The following SH3KBP1 variants were observed in gnomAD, a reference collection of about 807,000 sequenced individuals.
SH3KBP1 encodes SH3 domain-containing kinase-binding protein 1.
Under a neutral mutation model 50.1 loss-of-function variants are expected in SH3KBP1, and 8 were observed. The ratio of observed to expected loss-of-function variants is 0.16; its 90% confidence interval spans 0.09 to 0.29. SH3KBP1 has a LOEUF of 0.29. SH3KBP1 is among the 10% of genes least tolerant of loss of function. The pLI, the probability that SH3KBP1 is intolerant of heterozygous loss-of-function variation, is 1.00. For missense variants in SH3KBP1, 377 were observed against 535.2 expected (o/e 0.70, Z 2.92); for synonymous variants, 227 against 218.6 (o/e 1.04, Z -0.34).
At chrX:19,625,344 C>T (rs1183958393) in intron 8 of SH3KBP1, among the ~76,000 whole-genome samples, 1 of 106,713 alleles carries the variant, frequency 9.4e-6, no homozygotes, top group African/African-American at 3.7e-5. Flanking sequence ...TTTTTTTTTG[C>T]CCCCCGACAG....
At chrX:19,747,371 T>C in intron 2 of SH3KBP1, among the ~76,000 whole-genome samples, 1 of 112,069 alleles carries the variant, frequency 8.9e-6, no homozygotes, top group Middle Eastern at 4.6e-3. Context: ...TTTCTAGGCT[T>C]GTCTGAATCC....
At chrX:19,662,323 A>G (rs1455583099) in intron 6 of SH3KBP1, among the ~76,000 whole-genome samples, 2 of 112,225 alleles carry the variant, frequency 1.8e-5, no homozygotes, top group African/African-American at 6.5e-5. Flanking sequence ...CCTCAAAAAC[A>G]TATTTCCTGC....
At chrX:19,798,340 G>A in intron 2 of SH3KBP1, among the ~76,000 whole-genome samples, 1 of 110,703 alleles carries the variant, frequency 9.0e-6, no homozygotes, top group African/African-American at 3.3e-5. Flanking sequence ...TCCTGCCTCG[G>A]CCTCCCAAAG....
intron 2 of SH3KBP1, among the ~76,000 whole-genome samples, chrX:19,765,430 T>C (rs1211072865): frequency 9.0e-6 from 1 of 111,062 alleles, no homozygotes; most frequent in Non-Finnish European, 1.9e-5. Context: ...CCTTAGCTTG[T>C]ATTCCCTTCC....
At chrX:19,683,487 T>C (rs2063103342) in intron 6 of SH3KBP1, 1 of 336,264 alleles carries the variant, frequency 3.0e-6, no homozygotes, top group Non-Finnish European at 5.6e-6. Flanking sequence ...GGCCAGTGTC[T>C]GAAAAGTGTC....
intron 7 of SH3KBP1, among the ~76,000 whole-genome samples, chrX:19,636,003 T>TA (rs1196779184): frequency 1.8e-5 from 2 of 111,352 alleles, no homozygotes; most frequent in African/African-American, 6.5e-5. Context: ...GTGGGAAGAT[T>TA]ATAAATTTTA....
At chrX:19,689,336 C>A (rs745653698) in intron 5 of SH3KBP1, among the ~76,000 whole-genome samples, 155 of 111,908 alleles carry the variant, frequency 1.4e-3, no homozygotes, top group African/African-American at 4.8e-3. Flanking sequence ...GTGAGCTAGG[C>A]CCTCCAAAAG....
chrX:19,695,509 T>C, intron 5 of SH3KBP1, 103 bp downstream of exon 5: 1 of 1,026,765 alleles, frequency 9.7e-7, no homozygotes, highest in Non-Finnish European at 1.3e-6. Flanking sequence ...CTCGTAAGCG[T>C]TTACTATAGC....
intron 16 of SH3KBP1, among the ~76,000 whole-genome samples, chrX:19,540,762 C>T (rs758240677): frequency 7.2e-5 from 8 of 111,778 alleles, no homozygotes; most frequent in Non-Finnish European, 9.4e-5. Context: ...ATGATGTTTT[C>T]GCTGCTGGAG....
intron 2 of SH3KBP1, among the ~76,000 whole-genome samples, chrX:19,771,864 C>CAA (rs11457525): frequency 0.031 from 2,284 of 72,778 alleles, 119 homozygotes; most frequent in African/African-American, 0.11. Flanking sequence ...AACTCCGTCT[C>CAA]AAAAAAAAAA....
At chrX:19,561,233 T>C (rs2065669341) in intron 13 of SH3KBP1, among the ~76,000 whole-genome samples, 1 of 110,569 alleles carries the variant, frequency 9.0e-6, no homozygotes, top group South Asian at 3.8e-4. Context: ...CAAAGCCTAG[T>C]ATGCTTTTTA....
intron 14 of SH3KBP1, among the ~76,000 whole-genome samples, chrX:19,546,941 C>T (rs1448793909): frequency 9.0e-6 from 1 of 110,965 alleles, no homozygotes; most frequent in African/African-American, 3.3e-5. Flanking sequence ...CTCTTGAGCC[C>T]AGGAATTTGG....
chrX:19,572,397 GT>G (rs1432149377), intron 12 of SH3KBP1, among the ~76,000 whole-genome samples: 5 of 90,744 alleles, frequency 5.5e-5, no homozygotes, highest in Non-Finnish European at 1.0e-4. Flanking sequence ...ACATACATAT[GT>G]TATATATAGT....
intron 10 of SH3KBP1, among the ~76,000 whole-genome samples, chrX:19,593,444 C>T (rs1009768913): frequency 7.2e-5 from 8 of 110,749 alleles, no homozygotes; most frequent in Admixed American, 2.9e-4. Flanking sequence ...AATAATCAAA[C>T]GCAAGGAAAG....
intron 2 of SH3KBP1, among the ~76,000 whole-genome samples, chrX:19,769,283 T>C (rs879017633): frequency 1.9e-5 from 2 of 104,873 alleles, no homozygotes; most frequent in African/African-American, 7.2e-5. Flanking sequence ...TCTTTTTTTT[T>C]CGTAGAGACA....
chrX:19,709,490 G>A (rs2063728543), intron 3 of SH3KBP1, among the ~76,000 whole-genome samples: 1 of 112,213 alleles, frequency 8.9e-6, no homozygotes, highest in Admixed American at 9.4e-5. Flanking sequence ...CTTACCCCAG[G>A]TCACCAAGCT....
chrX:19,578,487 C>T (rs1178057289), intron 12 of SH3KBP1, among the ~76,000 whole-genome samples: 2 of 111,513 alleles, frequency 1.8e-5, no homozygotes, highest in Non-Finnish European at 3.8e-5. Context: ...CCAGCTGAAG[C>T]CCCCATTTTA....
At chrX:19,808,210 G>A (rs185188269) in intron 2 of SH3KBP1, among the ~76,000 whole-genome samples, 20 of 110,731 alleles carry the variant, frequency 1.8e-4, no homozygotes, top group Non-Finnish European at 3.4e-4. Flanking sequence ...TATACACAGC[G>A]GGCCTGTGTC....
Position 19,645,454 on chromosome X carries a change from C to T in SH3KBP1, c.748G>A (p.Ala250Thr), listed in dbSNP as rs1488750108. ...VEKTIGKKLP[A>T]TTATPDSSKT... ...GATGAGTCTGGAGTTGCTGTAGTTG[C>T]AGGTAACTTCTTCCCAATAGTCTGA... The change falls in exon 7 of 18, where the codon GCA becomes ACA. Residue 250 changes from alanine (A) to threonine (T), a missense_variant. This residue lies in a region of SH3KBP1 where 257 missense variants were observed against 374.2 expected (regional missense o/e 0.69). Transcript: ENST00000397821. 8.3e-7 allele frequency: 1 copy of T among 1,200,537 alleles called. No homozygotes were observed. The highest frequency in any genetic ancestry group is 2.2e-5 in the Admixed American group (1 of 45,956).
Sources: gnomAD v4.1 joint callset for allele counts (sites outside exome capture counted in the v4.1 genomes callset) on GRCh38, gnomAD v4.1.1 for gene constraint, gnomAD v4.1.1 regional missense constraint, MANE v1.5 for transcripts, NCBI Gene and HGNC (gene_info 2026-07-23, HGNC 2026-07-21) for gene names.